The following ITPR2 variants were observed in gnomAD, a reference collection of about 807,000 sequenced individuals.
The protein encoded by ITPR2 is inositol 1,4,5-trisphosphate-gated calcium channel ITPR2.
ITPR2 carries 207 observed loss-of-function variants against 317.1 expected under a neutral mutation model. That is an observed-to-expected ratio of 0.65 (90% confidence interval 0.58 to 0.73). The LOEUF (loss-of-function observed/expected upper bound fraction) is 0.73. ITPR2 is among the 30% of genes least tolerant of loss of function. The pLI is 0.00. For synonymous variants in ITPR2, 1,156 were observed against 1,149.1 expected, an observed-to-expected ratio of 1.01 and a Z score of -0.12; for missense variants, 2,613 against 3,284.0, an observed-to-expected ratio of 0.80 and a Z score of 4.99.
At chr12:26,654,498 A>T (rs1947330523) in intron 20 of ITPR2, among the ~76,000 whole-genome samples, 1 of 152,188 alleles carries the variant, frequency 6.6e-6, no homozygotes, top group African/African-American at 2.4e-5. Flanking sequence ...CCAGAAATCT[A>T]TGTTCCCTAT....
At chr12:26,650,876 G>A (rs1451207436) in intron 21 of ITPR2, among the ~76,000 whole-genome samples, 4 of 152,080 alleles carry the variant, frequency 2.6e-5, no homozygotes, top group South Asian at 2.1e-4. Context: ...TAACAACTAC[G>A]GTTCTTGGTC....
intron 45 of ITPR2, among the ~76,000 whole-genome samples, chr12:26,460,637 G>A (rs578238593): frequency 5.3e-5 from 8 of 152,140 alleles, no homozygotes; most frequent in African/African-American, 1.9e-4. Context: ...TTGAAACTGT[G>A]GTCTGCAGAC....
At chr12:26,623,471 T>A (rs913432784) in intron 24 of ITPR2, 2 of 152,228 alleles carry the variant, frequency 1.3e-5, no homozygotes, top group Non-Finnish European at 2.9e-5. Context: ...TTGTTATAAT[T>A]GTTTTATTAT....
At chr12:26,515,050 C>T (rs907464943) in intron 37 of ITPR2, among the ~76,000 whole-genome samples, 1 of 152,100 alleles carries the variant, frequency 6.6e-6, no homozygotes, top group Non-Finnish European at 1.5e-5. Context: ...ATTTCTACCT[C>T]AGTAGCAAAA....
At chr12:26,778,470 A>G (rs888709573) in intron 2 of ITPR2, among the ~76,000 whole-genome samples, 5 of 152,206 alleles carry the variant, frequency 3.3e-5, no homozygotes, top group African/African-American at 1.2e-4. Context: ...TCTTCAGCAA[A>G]TTAACACATC....
chr12:26,720,251 T>C (rs1415309907), intron 5 of ITPR2, among the ~76,000 whole-genome samples: 3 of 152,224 alleles, frequency 2.0e-5, no homozygotes, highest in Non-Finnish European at 4.4e-5. Flanking sequence ...TGCATTTCAT[T>C]TGGGTAACAG....
chr12:26,804,719 CTTAT>C (rs1348191837), intron 1 of ITPR2, among the ~76,000 whole-genome samples: 3 of 151,760 alleles, frequency 2.0e-5, no homozygotes, highest in East Asian at 1.9e-4. Context: ...AAAACAGACT[CTTAT>C]TTATTTTATT....
intron 49 of ITPR2, among the ~76,000 whole-genome samples, chr12:26,421,832 A>G (rs1455312493): frequency 6.6e-6 from 1 of 152,162 alleles, no homozygotes; most frequent in Non-Finnish European, 1.5e-5. Flanking sequence ...TCTGTCTATT[A>G]TTCAAAGCCA....
chr12:26,715,712 T>C (rs1250424884), intron 7 of ITPR2, 40 bp downstream of exon 7: 1 of 1,287,528 alleles, frequency 7.8e-7, no homozygotes. Flanking sequence ...AAGACTACCA[T>C]CATTTCTCCC....
chr12:26,640,535 T>C (rs1307936014), intron 21 of ITPR2, among the ~76,000 whole-genome samples: 1 of 152,114 alleles, frequency 6.6e-6, no homozygotes, highest in African/African-American at 2.4e-5. Context: ...TTAGACATGG[T>C]ACAAGTCCCC....
chr12:26,502,939 G>T lies in ITPR2; in HGVS notation c.5074-7679C>A, dbSNP rs551990200. On this transcript the variant is annotated intron_variant, in intron 37 of 56. Coordinates refer to ENST00000381340, the MANE Select transcript of ITPR2 (RefSeq NM_002223.4). Reference sequence around the variant, plus strand: ...GTGAAGACAGGCACAACTTTGGAAGGTGGTGTCACAGGAGATGAGGAACAA... The same window carrying T: ...GTGAAGACAGGCACAACTTTGGAAGTTGGTGTCACAGGAGATGAGGAACAA... 3.7e-4 allele frequency among the ~76,000 whole-genome samples: 57 copies of T among 152,236 alleles called. No homozygotes were observed. In the South Asian group the frequency reaches 4.8e-3, roughly 13 times the overall value.
At chr12:26,586,071 T>C (rs1283398419) in intron 32 of ITPR2, among the ~76,000 whole-genome samples, 3 of 152,234 alleles carry the variant, frequency 2.0e-5, no homozygotes. Flanking sequence ...TATAAATACA[T>C]ATAAGTTCTT....
intron 2 of ITPR2, chr12:26,725,968 T>C: frequency 2.3e-6 from 1 of 437,388 alleles, no homozygotes; most frequent in Non-Finnish European, 4.1e-6. Context: ...AAATATCCAC[T>C]TCTTCATTAA....
chr12:26,371,218 C>T (rs1329619086), intron 55 of ITPR2, among the ~76,000 whole-genome samples: 2 of 152,290 alleles, frequency 1.3e-5, no homozygotes, highest in African/African-American at 2.4e-5. Context: ...AAACTCAAAA[C>T]CTTAGTCTTC....
chr12:26,440,262 T>A (rs1211284175), intron 46 of ITPR2, among the ~76,000 whole-genome samples: 1 of 151,944 alleles, frequency 6.6e-6, no homozygotes, highest in African/African-American at 2.4e-5. Flanking sequence ...AAAACAAAAG[T>A]TTTTTGTTGT....
chr12:26,469,263 ACTAT>A (rs1942244516), intron 45 of ITPR2, among the ~76,000 whole-genome samples: 1 of 152,228 alleles, frequency 6.6e-6, no homozygotes, highest in Non-Finnish European at 1.5e-5. Context: ...TTGTTGAAAG[ACTAT>A]CTTATAATAA....
At chr12:26,472,040 C>T (rs141204119) in intron 45 of ITPR2, among the ~76,000 whole-genome samples, 4 of 152,188 alleles carry the variant, frequency 2.6e-5, no homozygotes. Context: ...GAGTCACCTG[C>T]AGAAAGATCA....
intron 2 of ITPR2, among the ~76,000 whole-genome samples, chr12:26,775,332 A>T (rs1348490052): frequency 6.6e-6 from 1 of 152,208 alleles, no homozygotes; most frequent in Non-Finnish European, 1.5e-5. Flanking sequence ...AAAAAGAACA[A>T]AACACAAGTT....
intron 21 of ITPR2, among the ~76,000 whole-genome samples, chr12:26,637,510 T>C (rs1465485087): frequency 6.6e-6 from 1 of 152,190 alleles, no homozygotes; most frequent in African/African-American, 2.4e-5. Flanking sequence ...TCAAATCATG[T>C]CATCATCCTA....
Sources: allele counts gnomAD v4.1 joint callset (sites outside exome capture counted in the v4.1 genomes callset), GRCh38; gene constraint gnomAD v4.1.1; transcripts MANE v1.5; gene names NCBI Gene and HGNC (gene_info 2026-07-23, HGNC 2026-07-21).